Variants in PLEKHG4B observed in about 807,000 individuals in gnomAD.
The protein encoded by PLEKHG4B is pleckstrin homology and RhoGEF domain containing G4B.
Under a neutral mutation model 121.3 loss-of-function variants are expected in PLEKHG4B, and 111 were observed. The ratio of observed to expected loss-of-function variants is 0.92; its 90% confidence interval spans 0.78 to 1.07. The LOEUF is 1.07. Among genes scored for constraint, PLEKHG4B ranks in the 50% least tolerant of loss-of-function variants. The probability of loss-of-function intolerance (pLI) is 0.00; values close to 1 mark genes in which losing one functional copy is unlikely to be tolerated. For synonymous variants in PLEKHG4B, 738 were observed against 725.0 expected (o/e 1.02, Z -0.29); for missense variants, 1,831 against 1,757.8 (o/e 1.04, Z -0.74).
At chr5:141,528 C>T (rs946660100) in intron 3 of PLEKHG4B, among the ~76,000 whole-genome samples, 8 of 151,006 alleles carry the variant, frequency 5.3e-5, no homozygotes, top group African/African-American at 1.2e-4. Flanking sequence ...GGGCACCCAT[C>T]GCTGGATTCG....
chr5:165,013 G>A (rs564960411), intron 13 of PLEKHG4B, among the ~76,000 whole-genome samples: 2 of 46,990 alleles, frequency 4.3e-5, no homozygotes, highest in Admixed American at 2.3e-4. Context: ...AGGGCTCACA[G>A]TAATGCTCTG....
At chr5:160,081 C>T (rs369731337) in intron 11 of PLEKHG4B, among the ~76,000 whole-genome samples, 1 of 152,242 alleles carries the variant, frequency 6.6e-6, no homozygotes, top group Non-Finnish European at 1.5e-5. Flanking sequence ...TATAGGTGCA[C>T]GTCTGTCTCT....
intron 1 of PLEKHG4B, among the ~76,000 whole-genome samples, chr5:104,100 A>AC (rs1733902962): frequency 7.4e-6 from 1 of 134,474 alleles, no homozygotes; most frequent in East Asian, 2.0e-4. Flanking sequence ...AAACAACCAC[A>AC]GCCAGTCCCA....
chr5:159,219 G>A lies in PLEKHG4B; in HGVS notation c.2487+2308G>A, dbSNP rs545448406. ...CTGAGGGTGGCCCAGGTGTGCCTGA[G>A]GGTCGCCCAGGTGCACTGAGGGCAG... On this transcript the variant is annotated intron_variant, in intron 11 of 19. Coordinates refer to ENST00000637938, the MANE Select transcript of PLEKHG4B (RefSeq NM_052909.5). The surrounding 1 kb of genome is among the most constrained non-coding windows in gnomAD (Gnocchi z 5.5). 3.3e-5 allele frequency among the ~76,000 whole-genome samples: 4 copies of A among 119,834 alleles called. No individual in the cohort carries two copies. The highest frequency in any genetic ancestry group is 1.6e-4 in the African/African-American group (4 of 24,514). 78.6% of individuals were successfully genotyped at this position (119,834 alleles called of 152,430 possible). A position where few individuals can be genotyped will look rare whatever the true frequency, so the allele number is the denominator to read the frequency against.
In PLEKHG4B at chr5:163,439, C is replaced by A. The variant is rs114681127; in HGVS notation, c.3367C>A (p.Leu1123Ile). The change falls in exon 13 of 20, where the codon CTC (leucine) becomes ATC (isoleucine). Residue 1123 changes from leucine to isoleucine, a missense_variant. Leu to Ile is a conservative substitution (Grantham distance 5). Coordinates refer to ENST00000637938, the MANE Select transcript of PLEKHG4B (RefSeq NM_052909.5). Reference protein sequence around the residue: ...VTSTVATEKKLPLWQHARSPP... With the variant: ...VTSTVATEKKIPLWQHARSPP... Reference sequence around the variant, plus strand: ...CAGCACTGTAGCCACAGAGAAGAAGCTCCCGCTGTGGCAGCATGCCAGGAG... The same window carrying A: ...CAGCACTGTAGCCACAGAGAAGAAGATCCCGCTGTGGCAGCATGCCAGGAG... 466 of 1,613,026 alleles carry A rather than the reference C, an allele frequency of 2.9e-4. 7 individuals carry two copies. In the East Asian group the frequency reaches 8.6e-3, roughly 30 times the overall value.
chr5:145,030 G>A, intron 6 of PLEKHG4B, 110 bp downstream of exon 6: 1 of 997,422 alleles, frequency 1.0e-6, no homozygotes, highest in Non-Finnish European at 1.5e-6. Context: ...GGCTTAGTGT[G>A]AAGATTCGAG....
chr5:135,679 AAAAATAT>A (rs1348544408), intron 2 of PLEKHG4B, among the ~76,000 whole-genome samples: 19 of 57,130 alleles, frequency 3.3e-4, no homozygotes, highest in African/African-American at 5.4e-4. Context: ...AAAAAAAAAA[AAAAATAT>A]ATATATATAT....
intron 1 of PLEKHG4B, among the ~76,000 whole-genome samples, chr5:100,122 A>C (rs1477704091): frequency 6.6e-6 from 1 of 152,138 alleles, no homozygotes; most frequent in Non-Finnish European, 1.5e-5. Context: ...GATTTGGTTT[A>C]CTAGTGTTTT....
At chr5:146,681 T>TC in intron 6 of PLEKHG4B, among the ~76,000 whole-genome samples, 1 of 67,776 alleles carries the variant, frequency 1.5e-5, no homozygotes. Flanking sequence ...CCTCCTCTCC[T>TC]CCCCCACAGT....
rs547528938 is a variant in PLEKHG4B, at chr5:112,347, A to G, written c.46-904A>G. 5.9e-5 allele frequency among the ~76,000 whole-genome samples: 9 copies of G among 152,240 alleles called. No homozygotes were observed. The South Asian group carries it at 6.2e-4, about 11-fold the overall frequency. On this transcript the variant is annotated intron_variant, in intron 1 of 19. Coordinates refer to ENST00000637938, the MANE Select transcript of PLEKHG4B (RefSeq NM_052909.5). Reference sequence around the variant, plus strand: ...CAGAGGAGTCCCTGTTTTATTTTCAATTTCCTTAGGAAATTATCTGTGTGA... The same window carrying G: ...CAGAGGAGTCCCTGTTTTATTTTCAGTTTCCTTAGGAAATTATCTGTGTGA...
intron 1 of PLEKHG4B, among the ~76,000 whole-genome samples, chr5:106,057 A>G (rs1217043494): frequency 2.0e-5 from 3 of 152,226 alleles, no homozygotes; most frequent in African/African-American, 4.8e-5. Flanking sequence ...CTGCCTAGCC[A>G]TAGTTTGGAA....
intron 11 of PLEKHG4B, 104 bp from the exon 12 acceptor site, chr5:161,679 G>T: frequency 6.7e-7 from 1 of 1,496,236 alleles, no homozygotes; most frequent in Non-Finnish European, 9.2e-7. Flanking sequence ...ACTGTGGGCC[G>T]TCCGAGCCTT....
intron 1 of PLEKHG4B, among the ~76,000 whole-genome samples, chr5:110,604 G>A (rs568608581): frequency 8.4e-4 from 95 of 112,506 alleles, no homozygotes; most frequent in African/African-American, 3.0e-3. Flanking sequence ...TCTGCAACAC[G>A]TGTGCACACA....
At chr5:133,072 G>A (rs144952825) in intron 2 of PLEKHG4B, among the ~76,000 whole-genome samples, 2,327 of 152,150 alleles carry the variant, frequency 0.015, 71 homozygotes, top group African/African-American at 0.053. Flanking sequence ...TTCTTTCAGC[G>A]GTGTTTTCTA....
chr5:149,685 C>G (rs934181400), intron 6 of PLEKHG4B, among the ~76,000 whole-genome samples: 19 of 152,074 alleles, frequency 1.2e-4, no homozygotes, highest in Non-Finnish European at 2.1e-4. Flanking sequence ...CAACAAAAAC[C>G]AAACTGCCCA....
At position 171,326 on chromosome 5, in the gene PLEKHG4B, G is replaced by A. The variant is rs1356092868; in HGVS notation, c.3932G>A (p.Ser1311Asn). The A allele has an allele frequency of 1.2e-6, 2 of 1,612,536 alleles. No individual in the cohort carries two copies. Among genetic ancestry groups the A allele is most frequent in the African/African-American group, 2.7e-5 (2 of 75,068 alleles). ...CTCCAGGACCTGCTCAAGGAGGCCA[G>A]CTGTGGCCTGGCCCAGGGGCAGGAG... ...LLLQDLLKEA[S>N]CGLAQGQELG... Residue 1311 changes from serine to asparagine, a missense_variant, in exon 16 of 20, where the codon AGC (serine) becomes AAC (asparagine). Coordinates refer to ENST00000637938, the MANE Select transcript of PLEKHG4B (RefSeq NM_052909.5).
chr5:152,466 C>T (rs1352972424), intron 7 of PLEKHG4B, among the ~76,000 whole-genome samples: 3 of 152,118 alleles, frequency 2.0e-5, no homozygotes, highest in South Asian at 2.1e-4. Flanking sequence ...CCACCTTGGC[C>T]TCCCAAAGCT....
chr5:143,339 G>C, intron 4 of PLEKHG4B, 41 bp from the exon 5 acceptor site: 4 of 1,608,334 alleles, frequency 2.5e-6, no homozygotes, highest in African/African-American at 2.7e-5. Flanking sequence ...CACCTTGTAG[G>C]AGTGAAGCCC....
In PLEKHG4B at chr5:187,306, C is replaced by T. The variant is rs1048528238; in HGVS notation, c.*4983C>T. Reference sequence around the variant, plus strand: ...GCATCCCCATCACCTTCCAGAGAGACCTCTTCTTTTGCCAGGTGTCGTGAG... The same window carrying T: ...GCATCCCCATCACCTTCCAGAGAGATCTCTTCTTTTGCCAGGTGTCGTGAG... On this transcript the variant is annotated 3_prime_UTR_variant, in exon 20 of 20. Transcript: ENST00000637938. 7 of 152,364 alleles carry T rather than the reference C, an allele frequency of 4.6e-5. No individual in the cohort carries two copies. The highest frequency in any genetic ancestry group is 1.3e-4 in the Admixed American group (2 of 15,284). The allele number at this position is 152,364 out of a possible 1,614,324, so 9.4% of individuals were successfully genotyped here. A position where few individuals can be genotyped will look rare whatever the true frequency, so the allele number is the denominator to read the frequency against.
Sources: allele counts gnomAD v4.1 joint callset (sites outside exome capture counted in the v4.1 genomes callset), GRCh38; gene constraint gnomAD v4.1.1; non-coding constraint Gnocchi (gnomAD v3.1); transcripts MANE v1.5; gene names NCBI Gene and HGNC (gene_info 2026-07-23, HGNC 2026-07-21).